Variants in CPED1 observed in about 807,000 individuals in gnomAD.
The protein encoded by CPED1 is cadherin-like and PC-esterase domain-containing protein 1.
Under a neutral mutation model 128.2 loss-of-function variants are expected in CPED1, and 114 were observed. That is an observed-to-expected ratio of 0.89 (90% CI 0.76 to 1.04). The LOEUF (loss-of-function observed/expected upper bound fraction) is 1.04. CPED1 is among the 50% of genes least tolerant of loss of function. The pLI is 0.00. For missense variants in CPED1, 1,211 were observed against 1,207.1 expected, an observed-to-expected ratio of 1.00 and a Z score of -0.05; for synonymous variants, 462 against 426.7, an observed-to-expected ratio of 1.08 and a Z score of -1.02.
At chr7:121,058,321 C>A (rs755458333) in intron 4 of CPED1, among the ~76,000 whole-genome samples, 1 of 152,050 alleles carries the variant, frequency 6.6e-6, no homozygotes, top group Non-Finnish European at 1.5e-5. Flanking sequence ...ATCCATCAAG[C>A]AAAGACCAAA....
chr7:121,009,479 C>T (rs1023976636), intron 2 of CPED1, among the ~76,000 whole-genome samples: 9 of 151,730 alleles, frequency 5.9e-5, no homozygotes, highest in Non-Finnish European at 7.4e-5. Flanking sequence ...TGGTAGCATG[C>T]GCCTGTAGTC....
chr7:121,080,627 G>A (rs1331836686), intron 5 of CPED1, among the ~76,000 whole-genome samples: 1 of 152,112 alleles, frequency 6.6e-6, no homozygotes, highest in Admixed American at 6.6e-5. Flanking sequence ...TACCTGCTTT[G>A]TGAATAAAAC....
intron 7 of CPED1, among the ~76,000 whole-genome samples, chr7:121,115,936 T>C (rs1008296411): frequency 6.6e-6 from 1 of 152,226 alleles, no homozygotes; most frequent in Non-Finnish European, 1.5e-5. Context: ...CTCTGCTCCT[T>C]TATATCCCAC....
At chr7:121,184,950 G>A (rs955203339) in intron 16 of CPED1, among the ~76,000 whole-genome samples, 1 of 152,116 alleles carries the variant, frequency 6.6e-6, no homozygotes, top group African/African-American at 2.4e-5. Context: ...ATGGTTAAAT[G>A]AAGAGTGAAG....
At chr7:121,025,306 C>A (rs965995277) in intron 3 of CPED1, among the ~76,000 whole-genome samples, 1 of 152,248 alleles carries the variant, frequency 6.6e-6, no homozygotes, top group Non-Finnish European at 1.5e-5. Context: ...TCACCCCCAC[C>A]TATCTCCTAA....
At chr7:121,134,091 A>G (rs1795734511) in intron 13 of CPED1, among the ~76,000 whole-genome samples, 198 bp downstream of exon 13, 2 of 152,106 alleles carry the variant, frequency 1.3e-5, no homozygotes, top group South Asian at 4.1e-4. Context: ...ATATCTATCC[A>G]AAGGAAATGA....
intron 16 of CPED1, among the ~76,000 whole-genome samples, chr7:121,177,373 A>G (rs1221106815): frequency 1.3e-5 from 2 of 151,922 alleles, no homozygotes; most frequent in Admixed American, 1.3e-4. Flanking sequence ...TTGCCTACTC[A>G]CCATGTTTCT....
At chr7:121,180,700 G>C (rs893031654) in intron 16 of CPED1, among the ~76,000 whole-genome samples, 1 of 152,008 alleles carries the variant, frequency 6.6e-6, no homozygotes, top group Non-Finnish European at 1.5e-5. Context: ...AACAGGAAGA[G>C]ACTTAAATGC....
chr7:121,222,829 T>C (rs996288190), intron 16 of CPED1, among the ~76,000 whole-genome samples: 1 of 152,242 alleles, frequency 6.6e-6, no homozygotes, highest in African/African-American at 2.4e-5. Flanking sequence ...TTTGCTGAAG[T>C]TGCTTATCAG....
chr7:121,063,443 C>A (rs1033205764), intron 4 of CPED1, among the ~76,000 whole-genome samples: 3 of 145,452 alleles, frequency 2.1e-5, no homozygotes, highest in East Asian at 2.1e-4. Context: ...CGAGCTACCA[C>A]CCCTGTTTCC....
chr7:121,295,844 A>G lies in CPED1; in HGVS notation c.*192A>G. ...CACTTCTTACAGCTTTATGAATTCA[A>G]GATGTGACCTTGAACACCAGTCCAT... On this transcript the variant is annotated 3_prime_UTR_variant, in exon 23 of 23. Coordinates refer to ENST00000310396, the MANE Select transcript of CPED1 (RefSeq NM_024913.5). The G allele has an allele frequency of 3.9e-6, 2 of 509,014 alleles. No individual in the cohort carries two copies. The highest frequency in any genetic ancestry group is 2.7e-5 in the South Asian group (1 of 37,488). 31.5% of individuals were successfully genotyped at this position (509,014 alleles called of 1,614,324 possible). A position where few individuals can be genotyped will look rare whatever the true frequency, so the allele number is the denominator to read the frequency against.
chr7:121,157,000 A>G (rs1796300402), intron 16 of CPED1, among the ~76,000 whole-genome samples: 1 of 152,184 alleles, frequency 6.6e-6, no homozygotes, highest in Admixed American at 6.5e-5. Context: ...TCAGTTGAAT[A>G]TGTGTTAATC....
intron 16 of CPED1, among the ~76,000 whole-genome samples, chr7:121,176,555 G>T (rs1796783123): frequency 6.6e-6 from 1 of 151,992 alleles, no homozygotes; most frequent in South Asian, 2.1e-4. Context: ...TTAAGAGGAT[G>T]AAAGGATTGA....
At chr7:121,147,898 T>C (rs1796063182) in intron 16 of CPED1, among the ~76,000 whole-genome samples, 1 of 152,188 alleles carries the variant, frequency 6.6e-6, no homozygotes. Context: ...TCTGAGATAT[T>C]AAATGATGTG....
chr7:121,026,047 G>A (rs371264121), intron 3 of CPED1, among the ~76,000 whole-genome samples: 5 of 151,998 alleles, frequency 3.3e-5, no homozygotes, highest in Non-Finnish European at 2.9e-5. Context: ...CACATCCCCC[G>A]TCCCCGTTAG....
intron 2 of CPED1, among the ~76,000 whole-genome samples, chr7:120,991,910 T>C (rs1400624246): frequency 6.6e-6 from 1 of 152,196 alleles, no homozygotes; most frequent in East Asian, 1.9e-4. Context: ...TGTCACTCCA[T>C]TTTTAACCTA....
chr7:121,052,176 C>A (rs961692104), intron 4 of CPED1, among the ~76,000 whole-genome samples: 4 of 152,152 alleles, frequency 2.6e-5, no homozygotes, highest in African/African-American at 9.7e-5. Flanking sequence ...ACCTGGGGTG[C>A]AAAATCTCTC....
Position 121,296,355 on chromosome 7 carries a change from G to A in CPED1, c.*703G>A, listed in dbSNP as rs1466641940. The stretch of plus-strand genomic sequence containing the variant: ...CCCTCTTGTCTTATCTGTGTACTTC[G>A]ATGGGTAACTGCAGTCTGAATTAAT... On this transcript the variant is annotated 3_prime_UTR_variant, in exon 23 of 23. Transcript: ENST00000310396. 2 of 152,014 alleles carry A rather than the reference G, an allele frequency of 1.3e-5. No homozygotes were observed. Among genetic ancestry groups the A allele is most frequent in the Non-Finnish European group, 2.9e-5 (2 of 67,984 alleles). 9.4% of individuals were successfully genotyped at this position (152,014 alleles called of 1,614,324 possible).
At chr7:121,037,450 A>C (rs753443036) in intron 3 of CPED1, among the ~76,000 whole-genome samples, 3 of 151,906 alleles carry the variant, frequency 2.0e-5, no homozygotes, top group Admixed American at 6.6e-5. Context: ...GTTGGCTGTA[A>C]GTATTTGGGG....
Sources: gnomAD v4.1 joint callset for allele counts (sites outside exome capture counted in the v4.1 genomes callset) on GRCh38, gnomAD v4.1.1 for gene constraint, MANE v1.5 for transcripts, NCBI Gene and HGNC (gene_info 2026-07-23, HGNC 2026-07-21) for gene names.